Variants in PSEN1 observed in about 807,000 individuals in gnomAD.
PSEN1 encodes presenilin 1.
PSEN1 carries 15 observed loss-of-function variants against 53.5 expected under a neutral mutation model. That is an observed-to-expected ratio of 0.28 (90% CI 0.19 to 0.43). The LOEUF (loss-of-function observed/expected upper bound fraction) is 0.43. Among genes scored for constraint, PSEN1 ranks in the 20% least tolerant of loss-of-function variants. The pLI is 1.00. For missense variants in PSEN1, 387 were observed against 571.2 expected (o/e 0.68, Z 3.29); for synonymous variants, 208 against 209.8 (o/e 0.99, Z 0.08).
At chr14:73,139,633 ATTTAT>A (rs1896861060) in intron 1 of PSEN1, among the ~76,000 whole-genome samples, 1 of 152,190 alleles carries the variant, frequency 6.6e-6, no homozygotes, top group African/African-American at 2.4e-5. Flanking sequence ...AATGTGAATA[ATTTAT>A]TTTAACACAA....
intron 8 of PSEN1, among the ~76,000 whole-genome samples, chr14:73,203,335 G>A (rs1456811422): frequency 3.3e-5 from 5 of 151,724 alleles, no homozygotes; most frequent in Non-Finnish European, 7.4e-5. Context: ...TGATCTACCC[G>A]CCTCACCCTC....
intron 6 of PSEN1, among the ~76,000 whole-genome samples, chr14:73,187,945 T>C (rs1239598618): frequency 1.3e-5 from 2 of 152,180 alleles, no homozygotes; most frequent in Admixed American, 6.5e-5. Context: ...ATAATACTTT[T>C]TTTTTTTGAG....
chr14:73,169,610 A>G (rs372358531), intron 3 of PSEN1: 1 of 151,592 alleles, frequency 6.6e-6, no homozygotes, highest in Admixed American at 6.6e-5. Context: ...TTGCCACTCA[A>G]TCAAGTTTGC....
intron 9 of PSEN1, among the ~76,000 whole-genome samples, chr14:73,210,529 G>T (rs1899634637): frequency 6.6e-6 from 1 of 152,126 alleles, no homozygotes; most frequent in African/African-American, 2.4e-5. Context: ...AATTATGGAG[G>T]TAAATACCAA....
At chr14:73,207,942 T>TAGACCAGGCA (rs1462956071) in intron 9 of PSEN1, among the ~76,000 whole-genome samples, 7 of 152,206 alleles carry the variant, frequency 4.6e-5, no homozygotes, top group African/African-American at 7.2e-5. Flanking sequence ...CCTAAGCAGC[T>TAGACCAGGCA]TTGACTACAG....
intron 3 of PSEN1, among the ~76,000 whole-genome samples, chr14:73,150,999 C>T (rs1185409524): frequency 3.5e-5 from 5 of 144,618 alleles, no homozygotes; most frequent in East Asian, 2.1e-4. Context: ...ACCTGGGAGG[C>T]GGAGCTTGCA....
intron 8 of PSEN1, among the ~76,000 whole-genome samples, chr14:73,205,965 A>G (rs936730204): frequency 6.6e-6 from 1 of 152,234 alleles, no homozygotes; most frequent in Non-Finnish European, 1.5e-5. Context: ...TAAAAATGAG[A>G]CATAATATGA....
In PSEN1 at chr14:73,171,007, A is replaced by C. The variant is rs1335033402; in HGVS notation, c.298A>C (p.Ile100Leu). 1.9e-6 allele frequency: 3 copies of C among 1,614,198 alleles called. No individual in the cohort carries two copies. The African/African-American group carries it at 4.0e-5, about 22-fold the overall frequency. ...TLCMVVVVAT[I>L]KSVSFYTRKD... The stretch of plus-strand genomic sequence containing the variant: ...CTGCATGGTGGTGGTCGTGGCTACC[A>C]TTAAGTCAGTCAGCTTTTATACCCG... The change falls in exon 4 of 12, where the codon ATT becomes CTT. Residue 100 changes from isoleucine (I) to leucine (L), a missense_variant. Ile to Leu is a conservative substitution (Grantham distance 5, BLOSUM62 2). Coordinates refer to ENST00000324501, the MANE Select transcript of PSEN1 (RefSeq NM_000021.4).
intron 3 of PSEN1, among the ~76,000 whole-genome samples, chr14:73,165,748 T>TA (rs1255488298): frequency 0.028 from 2,910 of 102,544 alleles, 67 homozygotes; most frequent in African/African-American, 0.072. Flanking sequence ...AACTCCGTCT[T>TA]AAAAAAAAAA....
intron 3 of PSEN1, among the ~76,000 whole-genome samples, chr14:73,155,793 T>A (rs1202163274): frequency 1.3e-5 from 2 of 152,134 alleles, no homozygotes; most frequent in African/African-American, 4.8e-5. Context: ...CATACAGATT[T>A]TTTAGGGCAG....
intron 4 of PSEN1, 81 bp downstream of exon 4, chr14:73,171,128 C>CT (rs1202843219): frequency 1.4e-5 from 22 of 1,542,632 alleles, no homozygotes; most frequent in Non-Finnish European, 1.8e-5. Flanking sequence ...TTGAAGGCCT[C>CT]TGCATTGAAG....
intron 3 of PSEN1, chr14:73,168,641 C>T (rs952127241): frequency 6.6e-6 from 1 of 152,280 alleles, no homozygotes; most frequent in African/African-American, 2.4e-5. Flanking sequence ...CTTCCCATAC[C>T]ATCCCTTTTT....
intron 3 of PSEN1, among the ~76,000 whole-genome samples, chr14:73,165,276 TAAAG>T (rs903706181): frequency 2.6e-5 from 4 of 152,080 alleles, no homozygotes; most frequent in Non-Finnish European, 2.9e-5. Context: ...TTTTTTTAAA[TAAAG>T]AAATTAAAAC....
intron 7 of PSEN1, chr14:73,197,661 CCT>C (rs757412529): frequency 1.3e-5 from 3 of 223,862 alleles, no homozygotes; most frequent in Non-Finnish European, 1.8e-5. Context: ...GTGACTTCTC[CCT>C]GTTTCTGCTC....
intron 1 of PSEN1, among the ~76,000 whole-genome samples, chr14:73,137,897 GAAAC>G (rs1896792067): frequency 6.6e-6 from 1 of 151,928 alleles, no homozygotes; most frequent in African/African-American, 2.4e-5. Flanking sequence ...ACAACACGGC[GAAAC>G]CCCGGCTCTA....
intron 2 of PSEN1, 43 bp downstream of exon 2, chr14:73,147,919 A>G: frequency 1.1e-6 from 1 of 873,088 alleles, no homozygotes; most frequent in South Asian, 1.4e-5. Context: ...GTTTTTTATA[A>G]CAGTATAATT....
intron 3 of PSEN1, among the ~76,000 whole-genome samples, chr14:73,157,780 G>A (rs772604841): frequency 3.3e-5 from 5 of 151,970 alleles, no homozygotes; most frequent in Non-Finnish European, 5.9e-5. Context: ...CGAGGTGGGC[G>A]ATGACTTGAG....
intron 3 of PSEN1, among the ~76,000 whole-genome samples, chr14:73,150,873 C>T (rs1293185929): frequency 6.6e-6 from 1 of 151,572 alleles, no homozygotes; most frequent in Non-Finnish European, 1.5e-5. Flanking sequence ...ACAGACCATC[C>T]TGGTCAACAT....
chr14:73,171,696 C>T (rs924870587), intron 4 of PSEN1, among the ~76,000 whole-genome samples: 1 of 152,058 alleles, frequency 6.6e-6, no homozygotes, highest in Non-Finnish European at 1.5e-5. Flanking sequence ...AGTGCTTTGG[C>T]AGGAGTCAGG....
Sources: gnomAD v4.1 joint callset for allele counts (sites outside exome capture counted in the v4.1 genomes callset) on GRCh38, gnomAD v4.1.1 for gene constraint, MANE v1.5 for transcripts, NCBI Gene and HGNC (gene_info 2026-07-23, HGNC 2026-07-21) for gene names.